CAPZA1: variants seen among roughly 807,000 people sequenced by gnomAD.
The protein encoded by CAPZA1 is capping actin protein of muscle Z-line subunit alpha 1.
In CAPZA1, 10 loss-of-function variants were observed where a neutral mutation model predicts 40.8. The ratio of observed to expected loss-of-function variants is 0.25; its 90% CI spans 0.15 to 0.42. The LOEUF (loss-of-function observed/expected upper bound fraction) is 0.42, where lower values mean the gene tolerates loss of function less well. Among genes scored for constraint, CAPZA1 ranks in the 10% least tolerant of loss-of-function variants. CAPZA1 has a pLI of 1.00. For synonymous variants in CAPZA1, 98 were observed against 115.0 expected (o/e 0.85, Z 0.95); for missense variants, 277 against 353.8 (o/e 0.78, Z 1.74).
intron 1 of CAPZA1, among the ~76,000 whole-genome samples, chr1:112,646,001 C>T (rs1275105381): frequency 4.6e-5 from 7 of 151,320 alleles, no homozygotes; most frequent in Admixed American, 4.6e-4. Context: ...TGGGCACAGA[C>T]GAAGAGCATA....
intron 1 of CAPZA1, among the ~76,000 whole-genome samples, chr1:112,625,149 A>G (rs1351782463): frequency 6.6e-6 from 1 of 152,040 alleles, no homozygotes; most frequent in East Asian, 1.9e-4. Flanking sequence ...GTATGTCCAC[A>G]GTTTGGGTGC....
At chr1:112,624,056 G>A (rs1670747902) in intron 1 of CAPZA1, among the ~76,000 whole-genome samples, 1 of 149,998 alleles carries the variant, frequency 6.7e-6, no homozygotes, top group Non-Finnish European at 1.5e-5. Flanking sequence ...TAGGACAGGA[G>A]CATAAAGCCT....
intron 1 of CAPZA1, among the ~76,000 whole-genome samples, chr1:112,631,172 C>T (rs991634300): frequency 3.3e-5 from 5 of 152,230 alleles, no homozygotes; most frequent in Admixed American, 2.0e-4. Flanking sequence ...CTTTGACAAT[C>T]CTACTCTTTG....
rs1299332692 is a variant in CAPZA1, at chr1:112,649,437, T to C, written c.123T>C (p.Asn41=). The C allele has an allele frequency of 6.2e-7, 1 of 1,613,210 alleles. No individual in the cohort carries two copies. The highest frequency in any genetic ancestry group is 1.1e-5 in the South Asian group (1 of 91,044). The change falls in exon 3 of 10, where the codon AAT becomes AAC. Residue 41 remains asparagine, a synonymous_variant. Coordinates refer to ENST00000263168, the MANE Select transcript of CAPZA1 (RefSeq NM_006135.3). ...CCTCAGACGTTCGGCTACTACTTAA[T>C]AATGACAATCTCCTCAGGGAAGGGG... is the stretch of plus-strand genomic sequence containing the variant. The part of the protein sequence containing the change: ...EVFNDVRLLL[N]NDNLLREGAA...
chr1:112,653,516 C>T (rs764311571), intron 3 of CAPZA1, 82 bp from the exon 4 acceptor site: 233 of 900,084 alleles, frequency 2.6e-4, no homozygotes, highest in Non-Finnish European at 3.6e-4. Flanking sequence ...CTGTGAACCA[C>T]CTTTTGTGTT....
chr1:112,642,025 G>T (rs1421214685), intron 1 of CAPZA1, among the ~76,000 whole-genome samples: 1 of 151,488 alleles, frequency 6.6e-6, no homozygotes, highest in Non-Finnish European at 1.5e-5. Context: ...GAATTAGTGT[G>T]ACAAGTCACA....
Position 112,659,017 on chromosome 1 carries a change from A to G in CAPZA1, c.427-5A>G. ...TCTTTAACTATTTTTTTTTCCCAAC[A>G]ATAGGTTTATGCTAAAACTATCGAT... On this transcript the variant is annotated splice_polypyrimidine_tract_variant and splice_region_variant and intron_variant, in intron 5 of 9. Coordinates refer to ENST00000263168, the MANE Select transcript of CAPZA1 (RefSeq NM_006135.3). 2 of 1,605,212 alleles carry G rather than the reference A, an allele frequency of 1.2e-6. No individual in the cohort carries two copies. The highest frequency in any genetic ancestry group is 1.7e-6 in the Non-Finnish European group (2 of 1,172,380).
intron 3 of CAPZA1, among the ~76,000 whole-genome samples, chr1:112,652,514 A>G (rs1204135559): frequency 6.6e-6 from 1 of 151,728 alleles, no homozygotes; most frequent in Non-Finnish European, 1.5e-5. Context: ...ATATTTGAAG[A>G]AGTTTAAATG....
Position 112,670,367 on chromosome 1 carries a change from T to TC in CAPZA1, c.*235_*236insC, listed in dbSNP as rs1671806137. On this transcript the variant is annotated 3_prime_UTR_variant, in exon 10 of 10. Coordinates refer to ENST00000263168, the MANE Select transcript of CAPZA1 (RefSeq NM_006135.3). ...CTACGTGTAAATCTTTTTTTCTTTT[T>TC]TTTTTTTTTTTTTTGGTTAATTCTG... 5 of 399,638 alleles carry TC rather than the reference T, an allele frequency of 1.3e-5. No individual in the cohort carries two copies. The highest frequency in any genetic ancestry group is 8.7e-5 in the African/African-American group (4 of 46,064). 24.8% of individuals were successfully genotyped at this position (399,638 alleles called of 1,614,324 possible).
At chr1:112,628,538 G>A (rs1670858878) in intron 1 of CAPZA1, among the ~76,000 whole-genome samples, 1 of 152,116 alleles carries the variant, frequency 6.6e-6, no homozygotes, top group South Asian at 2.1e-4. Flanking sequence ...TAGAACAAAG[G>A]AAGTTAACTA....
intron 1 of CAPZA1, among the ~76,000 whole-genome samples, chr1:112,645,551 T>G (rs1469771411): frequency 6.6e-6 from 1 of 152,040 alleles, no homozygotes; most frequent in African/African-American, 2.4e-5. Context: ...GGAGGATCAC[T>G]TGAACCCAGG....
In CAPZA1 at chr1:112,669,557, T is replaced by G; in HGVS notation, c.672T>G (p.Thr224=). ...DSLTVSNEAQ[T]AKEFIKIIEN... is the part of the protein sequence containing the mutation. ...TCCTTCATTAGAATGAAGCCCAAACTGCCAAGGAGTTTATTAAAATCATAG... is the reference window on the plus strand; with the variant it reads ...TCCTTCATTAGAATGAAGCCCAAACGGCCAAGGAGTTTATTAAAATCATAG... The change falls in exon 9 of 10, where the codon ACT becomes ACG. Residue 224 remains threonine (T), a synonymous_variant. Coordinates refer to ENST00000263168, the MANE Select transcript of CAPZA1 (RefSeq NM_006135.3). 3 of 1,610,836 alleles carry G rather than the reference T, an allele frequency of 1.9e-6. No individual in the cohort carries two copies. In the Admixed American group the frequency reaches 5.0e-5, roughly 27 times the overall value.
rs575163615 is a variant in CAPZA1, at chr1:112,647,215, C to T, written c.45C>T (p.Arg15=). The change falls in exon 2 of 10, where the codon CGC becomes CGT. Residue 15 remains arginine (R), a synonymous_variant. Transcript: ENST00000263168. ...TAAATTTTGTTTCTCTTTAGGTACG[C>T]ATAGCTGCTAAATTCATCACTCATG... ...DDRVSDEEKV[R]IAAKFITHAP... is the part of the protein sequence containing the mutation. The T allele has an allele frequency of 6.6e-7, 1 of 1,522,306 alleles. No homozygotes were observed. Among genetic ancestry groups the T allele is most frequent in the Non-Finnish European group, 8.9e-7 (1 of 1,123,442 alleles). The allele number at this position is 1,522,306 out of a possible 1,614,324, so 94.3% of individuals were successfully genotyped here.
intron 1 of CAPZA1, chr1:112,626,035 G>A (rs1670799088): frequency 6.6e-6 from 1 of 152,378 alleles, no homozygotes; most frequent in Admixed American, 6.6e-5. Context: ...TCCACACAGG[G>A]CTCGAAGTCA....
chr1:112,623,296 A>G (rs1279991231), intron 1 of CAPZA1, among the ~76,000 whole-genome samples: 1 of 152,226 alleles, frequency 6.6e-6, no homozygotes, highest in Non-Finnish European at 1.5e-5. Context: ...GCTGTTTTCT[A>G]ACAAGTCATC....
Position 112,647,221 on chromosome 1 carries a change from T to C in CAPZA1, c.51T>C (p.Ala17=). ...RVSDEEKVRI[A]AKFITHAPPG... is the part of the protein sequence containing the mutation. ...TTGTTTCTCTTTAGGTACGCATAGC[T>C]GCTAAATTCATCACTCATGCACCCC... is the stretch of plus-strand genomic sequence containing the variant. Residue 17 remains alanine, a synonymous_variant, in exon 2 of 10, where the codon GCT becomes GCC. Coordinates refer to ENST00000263168, the MANE Select transcript of CAPZA1 (RefSeq NM_006135.3). 1 of 1,530,708 alleles carries C rather than the reference T, an allele frequency of 6.5e-7. No homozygotes were observed. Among genetic ancestry groups the C allele is most frequent in the Non-Finnish European group, 8.9e-7 (1 of 1,129,862 alleles). 94.8% of individuals were successfully genotyped at this position (1,530,708 alleles called of 1,614,324 possible).
chr1:112,640,172 A>T (rs866539935), intron 1 of CAPZA1, among the ~76,000 whole-genome samples: 1 of 52,678 alleles, frequency 1.9e-5, no homozygotes, highest in South Asian at 6.6e-4. Context: ...CCAGCCGCCC[A>T]GTCCGGGAGG....
chr1:112,619,941 C>G, intron 1 of CAPZA1, 58 bp downstream of exon 1: 2 of 1,447,108 alleles, frequency 1.4e-6, no homozygotes, highest in Non-Finnish European at 1.9e-6. Flanking sequence ...GGGGCCCGGC[C>G]CGGCTGCGTT....
At chr1:112,626,244 A>G (rs1670803878) in intron 1 of CAPZA1, 1 of 152,150 alleles carries the variant, frequency 6.6e-6, no homozygotes, top group Admixed American at 6.5e-5. Flanking sequence ...TTGCCCTGAA[A>G]GCCATTTCCA....
Sources: allele counts gnomAD v4.1 joint callset (sites outside exome capture counted in the v4.1 genomes callset), GRCh38; gene constraint gnomAD v4.1.1; transcripts MANE v1.5; gene names NCBI Gene and HGNC (gene_info 2026-07-23, HGNC 2026-07-21).